MARCHF6: variants seen among roughly 807,000 people sequenced by gnomAD.
MARCHF6 encodes the protein membrane associated ring-CH-type finger 6.
A neutral mutation model predicts 133.7 loss-of-function variants in MARCHF6; 31 were observed. The observed-to-expected ratio is 0.23, with a 90% CI of 0.17 to 0.31. The LOEUF is 0.31. Ranked by LOEUF, MARCHF6 falls within the 10% of genes least tolerant of loss-of-function variation. The probability of loss-of-function intolerance (pLI) is 1.00; values close to 1 mark genes in which losing one functional copy is unlikely to be tolerated. For synonymous variants in MARCHF6, 395 were observed against 402.5 expected, an observed-to-expected ratio of 0.98 and a Z score of 0.22; for missense variants, 723 against 1,121.6, an observed-to-expected ratio of 0.64 and a Z score of 5.08.
In MARCHF6 at chr5:10,393,879, A is replaced by C. The variant is rs986556817; in HGVS notation, c.767-203A>C. ...ATTTATCTCAATCTAGGATTACCTT[A>C]CTTTATATGTATTATTTATTTATAT... On this transcript the variant is annotated intron_variant, in intron 7 of 25. Coordinates refer to ENST00000274140, the MANE Select transcript of MARCHF6 (RefSeq NM_005885.4). Among the ~76,000 whole-genome samples the C allele has an allele frequency of 1.9e-4, 29 of 152,100 alleles. 2 individuals are homozygous for C. The highest frequency in any genetic ancestry group is 1.8e-3 in the Admixed American group (28 of 15,290).
intron 14 of MARCHF6, among the ~76,000 whole-genome samples, chr5:10,402,991 A>G (rs1046315068): frequency 2.6e-5 from 4 of 152,200 alleles, no homozygotes; most frequent in Non-Finnish European, 4.4e-5. Context: ...AGTCTTGATT[A>G]TACTCTTTAA....
intron 1 of MARCHF6, among the ~76,000 whole-genome samples, chr5:10,377,207 C>T (rs1470023625): frequency 2.6e-5 from 4 of 152,058 alleles, no homozygotes; most frequent in Admixed American, 6.6e-5. Flanking sequence ...AGGTGGCTTC[C>T]GGCTCATCTC....
At chr5:10,367,750 A>G (rs1159870658) in intron 1 of MARCHF6, among the ~76,000 whole-genome samples, 5 of 151,376 alleles carry the variant, frequency 3.3e-5, no homozygotes, top group African/African-American at 1.2e-4. Context: ...AAAAATTACT[A>G]AGGACTTGAA....
rs745422437 is a variant in MARCHF6 at position 10,390,513 on chromosome 5, C to T, written c.576+13C>T. Reference sequence around the variant, plus strand: ...TCACCAAAATGAGGTAACTCCCCTACCCCAAAATTGATTTTACTTAGGTAG... The same window carrying T: ...TCACCAAAATGAGGTAACTCCCCTATCCCAAAATTGATTTTACTTAGGTAG... On this transcript the variant is annotated intron_variant, in intron 6 of 25. Coordinates refer to ENST00000274140, the MANE Select transcript of MARCHF6 (RefSeq NM_005885.4). 45 of 1,608,458 alleles carry T rather than the reference C, an allele frequency of 2.8e-5. No homozygotes were observed. The highest frequency in any genetic ancestry group is 2.5e-6 in the Non-Finnish European group (3 of 1,177,570).
At chr5:10,377,949 T>G (rs760143348) in intron 2 of MARCHF6, 55 bp downstream of exon 2, 15 of 986,696 alleles carry the variant, frequency 1.5e-5, no homozygotes, top group Admixed American at 5.1e-5. Context: ...TCGTCATGTA[T>G]ACAGTAACAG....
chr5:10,435,492 C>T lies in MARCHF6; in HGVS notation c.*1808C>T, dbSNP rs1305891014. 4 of 149,902 alleles carry T rather than the reference C, an allele frequency of 2.7e-5. No homozygotes were observed. The highest frequency in any genetic ancestry group is 2.7e-4 in the Admixed American group (4 of 15,032). 9.3% of individuals were successfully genotyped at this position (149,902 alleles called of 1,614,324 possible). On this transcript the variant is annotated 3_prime_UTR_variant, in exon 26 of 26. Transcript: ENST00000274140. The stretch of plus-strand genomic sequence containing the variant: ...TCATTTGAAATAAGGTCTTTGTTAG[C>T]CCTACCTTTACTCAGAAATTTAGTC...
chr5:10,437,531 G>T lies in MARCHF6; in HGVS notation c.*3847G>T, dbSNP rs1188213624. Reference sequence around the variant, plus strand: ...AAAATAATCCCTGACAATATCTTTGGCATTAATACGACATAAAGACAAGAC... The same window carrying T: ...AAAATAATCCCTGACAATATCTTTGTCATTAATACGACATAAAGACAAGAC... On this transcript the variant is annotated 3_prime_UTR_variant, in exon 26 of 26. Transcript: ENST00000274140. The T allele has an allele frequency of 6.6e-6, 1 of 152,090 alleles. No individual in the cohort carries two copies. Among genetic ancestry groups the T allele is most frequent in the Admixed American group, 6.5e-5 (1 of 15,268 alleles). 9.4% of individuals were successfully genotyped at this position (152,090 alleles called of 1,614,324 possible).
chr5:10,380,708 C>T (rs1375616107), intron 3 of MARCHF6, among the ~76,000 whole-genome samples: 4 of 152,072 alleles, frequency 2.6e-5, no homozygotes, highest in Non-Finnish European at 4.4e-5. Context: ...GGCGGACCAC[C>T]TGAGGTCAGG....
intron 1 of MARCHF6, among the ~76,000 whole-genome samples, chr5:10,367,264 C>G (rs978458809): frequency 6.6e-6 from 1 of 152,128 alleles, no homozygotes; most frequent in Non-Finnish European, 1.5e-5. Context: ...CTAAGGAAAT[C>G]AGAATAAACC....
Position 10,410,249 on chromosome 5 carries a change from C to G in MARCHF6, c.1664C>G (p.Ala555Gly). ...CAGTGGCTGAAGGGGCTGGTGCGAG[C>G]GTGGACTGTGACCGCCGGATACTTG... The part of the protein sequence containing the change: ...TRQWLKGLVR[A>G]WTVTAGYLLD... Residue 555 changes from alanine (A) to glycine (G), a missense_variant, in exon 18 of 26, where the codon GCG becomes GGG. Coordinates refer to ENST00000274140, the MANE Select transcript of MARCHF6 (RefSeq NM_005885.4). 1.9e-6 allele frequency: 3 copies of G among 1,613,216 alleles called. No homozygotes were observed. The highest frequency in any genetic ancestry group is 2.5e-6 in the Non-Finnish European group (3 of 1,179,992).
At chr5:10,413,524 C>G (rs1048832452) in intron 19 of MARCHF6, 6 of 152,168 alleles carry the variant, frequency 3.9e-5, no homozygotes, top group Admixed American at 6.5e-5. Context: ...TGTGTGATCA[C>G]TTTTTATCTG....
chr5:10,377,252 C>T (rs1197156148), intron 1 of MARCHF6, among the ~76,000 whole-genome samples: 2 of 152,020 alleles, frequency 1.3e-5, no homozygotes, highest in Non-Finnish European at 2.9e-5. Flanking sequence ...TTTGGGGTAT[C>T]CCCTCCCCCC....
At chr5:10,409,656 G>A (rs1739107121) in intron 17 of MARCHF6, among the ~76,000 whole-genome samples, 1 of 152,174 alleles carries the variant, frequency 6.6e-6, no homozygotes, top group South Asian at 2.1e-4. Flanking sequence ...GGATCATTCT[G>A]ACTGCTGTGA....
At chr5:10,401,005 T>G (rs1738497998) in intron 11 of MARCHF6, 163 bp downstream of exon 11, 1 of 584,158 alleles carries the variant, frequency 1.7e-6, no homozygotes, top group East Asian at 2.9e-5. Flanking sequence ...TAACAGTGGC[T>G]CAAGAGATAG....
chr5:10,369,177 C>G (rs1736312355), intron 1 of MARCHF6, among the ~76,000 whole-genome samples: 1 of 152,094 alleles, frequency 6.6e-6, no homozygotes, highest in South Asian at 2.1e-4. Context: ...TTTCATTGAC[C>G]AAAGTAAGTT....
chr5:10,372,248 G>T (rs1736515758), intron 1 of MARCHF6, among the ~76,000 whole-genome samples: 1 of 152,022 alleles, frequency 6.6e-6, no homozygotes. Context: ...ATTGAGGGGG[G>T]AGAAAACCCA....
intron 17 of MARCHF6, among the ~76,000 whole-genome samples, 190 bp downstream of exon 17, chr5:10,407,392 C>G (rs1738961597): frequency 6.6e-6 from 1 of 151,596 alleles, no homozygotes; most frequent in Admixed American, 6.6e-5. Context: ...ATTTTCTGGA[C>G]CTTTTCCACT....
At chr5:10,364,681 G>T (rs2967944) in intron 1 of MARCHF6, among the ~76,000 whole-genome samples, 1 of 152,112 alleles carries the variant, frequency 6.6e-6, no homozygotes, top group South Asian at 2.1e-4. Context: ...GCCCACAGCT[G>T]TTGGGCAGAA....
chr5:10,435,639 CTATATATATATATATATATATA>C lies in MARCHF6; in HGVS notation c.*1993_*2014del, dbSNP rs1248965119. On this transcript the variant is annotated 3_prime_UTR_variant, in exon 26 of 26. Transcript: ENST00000274140. ...AGCATATAACTATATAACTATATAA[CTATATATATATATATATATATA>C]TATATATATATATATATATATATAT... The C allele has an allele frequency of 0.013, 32 of 2,402 alleles. No homozygotes were observed. The highest frequency in any genetic ancestry group is 0.087 in the South Asian group (4 of 46). The allele number at this position is 2,402 out of a possible 1,614,324, so 0.1% of individuals were successfully genotyped here.
Sources: allele counts gnomAD v4.1 joint callset (sites outside exome capture counted in the v4.1 genomes callset), GRCh38; gene constraint gnomAD v4.1.1; transcripts MANE v1.5; gene names NCBI Gene and HGNC (gene_info 2026-07-23, HGNC 2026-07-21).